Variants in LDLRAD3 observed in about 807,000 individuals in gnomAD.
The protein encoded by LDLRAD3 is low-density lipoprotein receptor class A domain-containing protein 3.
A neutral mutation model predicts 29.4 loss-of-function variants in LDLRAD3; 20 were observed. The observed-to-expected ratio is 0.68, with a 90% confidence interval of 0.48 to 0.99. The LOEUF is 0.99. LDLRAD3 is among the 50% of genes least tolerant of loss of function. The pLI, the probability that LDLRAD3 is intolerant of heterozygous loss-of-function variation, is 0.00. For missense variants in LDLRAD3, 420 were observed against 454.3 expected (o/e 0.92, Z 0.69); for synonymous variants, 157 against 192.7 (o/e 0.81, Z 1.53).
chr11:36,128,283 G>A (rs1265304536), intron 4 of LDLRAD3, among the ~76,000 whole-genome samples: 1 of 151,966 alleles, frequency 6.6e-6, no homozygotes, highest in Non-Finnish European at 1.5e-5. Flanking sequence ...CCAGGGACAG[G>A]GAGCTCCTCT....
intron 1 of LDLRAD3, among the ~76,000 whole-genome samples, chr11:35,969,000 G>A (rs1009023854): frequency 1.8e-4 from 27 of 152,140 alleles, no homozygotes; most frequent in Admixed American, 1.1e-3. Flanking sequence ...TATGGTGTGC[G>A]TACCAAGTCC....
intron 4 of LDLRAD3, among the ~76,000 whole-genome samples, chr11:36,098,855 A>C (rs902240272): frequency 2.6e-5 from 4 of 151,864 alleles, no homozygotes; most frequent in African/African-American, 9.7e-5. Context: ...ATGTCTGCAC[A>C]GGTGTCTGTT....
chr11:36,041,381 C>G (rs1852379539), intron 2 of LDLRAD3, among the ~76,000 whole-genome samples: 1 of 152,218 alleles, frequency 6.6e-6, no homozygotes, highest in African/African-American at 2.4e-5. Flanking sequence ...TCTCCATAAC[C>G]TTCCTCCATC....
chr11:36,155,612 A>T (rs753387717), intron 4 of LDLRAD3, among the ~76,000 whole-genome samples: 4 of 152,204 alleles, frequency 2.6e-5, no homozygotes, highest in Admixed American at 6.5e-5. Context: ...AATAAGGATA[A>T]TAATACGTAC....
chr11:36,010,817 T>C (rs147112172), intron 1 of LDLRAD3, among the ~76,000 whole-genome samples: 89 of 152,310 alleles, frequency 5.8e-4, no homozygotes, highest in Middle Eastern at 3.4e-3. Context: ...AAATTCTTTT[T>C]TTTTTGAAAT....
chr11:35,984,398 A>G (rs1300228257), intron 1 of LDLRAD3, among the ~76,000 whole-genome samples: 1 of 152,326 alleles, frequency 6.6e-6, no homozygotes, highest in East Asian at 1.9e-4. Flanking sequence ...TGATTTGTCC[A>G]AGGACAGACA....
At chr11:35,960,433 GTAGA>G (rs1205124662) in intron 1 of LDLRAD3, among the ~76,000 whole-genome samples, 1 of 152,208 alleles carries the variant, frequency 6.6e-6, no homozygotes, top group Non-Finnish European at 1.5e-5. Flanking sequence ...TTCAACCTGA[GTAGA>G]TATTGCCAAC....
At chr11:36,096,990 A>G (rs1029060786) in intron 3 of LDLRAD3, among the ~76,000 whole-genome samples, 1 of 152,226 alleles carries the variant, frequency 6.6e-6, no homozygotes, top group South Asian at 2.1e-4. Flanking sequence ...TTTGAATCAC[A>G]CTGCAGGTAA....
intron 1 of LDLRAD3, among the ~76,000 whole-genome samples, chr11:35,997,031 A>G (rs912499668): frequency 6.6e-6 from 1 of 152,166 alleles, no homozygotes; most frequent in Non-Finnish European, 1.5e-5. Flanking sequence ...TCCTTGCCTC[A>G]TGGAATGATG....
At chr11:36,180,897 C>T (rs947189562) in intron 4 of LDLRAD3, among the ~76,000 whole-genome samples, 8 of 152,050 alleles carry the variant, frequency 5.3e-5, no homozygotes, top group African/African-American at 1.9e-4. Flanking sequence ...GAGAGAATCG[C>T]TAAGGATGGC....
intron 4 of LDLRAD3, among the ~76,000 whole-genome samples, chr11:36,170,158 T>G (rs2133346924): frequency 1.3e-5 from 2 of 152,076 alleles, no homozygotes; most frequent in South Asian, 4.2e-4. Context: ...CTTAAAATAA[T>G]GGTATTGAAC....
rs1361199077 is a variant in LDLRAD3 at position 35,944,308 on chromosome 11, G to C, written c.46+164G>C. On this transcript the variant is annotated intron_variant, in intron 1 of 5. Coordinates refer to ENST00000315571, the MANE Select transcript of LDLRAD3 (RefSeq NM_174902.4). The surrounding 1 kb of genome is among the most constrained non-coding windows in gnomAD (Gnocchi z 4.9). ...GCGCCGGGCTGGCCCGGACCCTGCC[G>C]AGGGGCCGCCGCGGGGTGCGAGCCG... is the stretch of plus-strand genomic sequence containing the variant. 6.6e-6 allele frequency among the ~76,000 whole-genome samples: 1 copy of C among 151,456 alleles called. No individual in the cohort carries two copies. The highest frequency in any genetic ancestry group is 6.6e-5 in the Admixed American group (1 of 15,234).
intron 1 of LDLRAD3, among the ~76,000 whole-genome samples, chr11:36,003,421 C>G (rs1345997944): frequency 6.6e-6 from 1 of 152,170 alleles, no homozygotes; most frequent in Non-Finnish European, 1.5e-5. Context: ...GTCAGGAGGC[C>G]TGTGAGCTTC....
chr11:36,033,132 C>T (rs1852257204), intron 1 of LDLRAD3, among the ~76,000 whole-genome samples: 1 of 152,190 alleles, frequency 6.6e-6, no homozygotes, highest in Non-Finnish European at 1.5e-5. Context: ...CTCGGCCTCC[C>T]AAAGTGCTGT....
chr11:36,170,295 C>T (rs1429409036), intron 4 of LDLRAD3, among the ~76,000 whole-genome samples: 6 of 100,188 alleles, frequency 6.0e-5, no homozygotes, highest in South Asian at 3.7e-4. Context: ...TATATACACA[C>T]ATATATATAC....
At chr11:36,142,482 T>G (rs1004300426) in intron 4 of LDLRAD3, among the ~76,000 whole-genome samples, 2 of 152,174 alleles carry the variant, frequency 1.3e-5, no homozygotes, top group Admixed American at 6.5e-5. Context: ...CCTCATGAAG[T>G]CTGGATGTCC....
chr11:35,967,691 G>A (rs971952500), intron 1 of LDLRAD3: 6 of 473,070 alleles, frequency 1.3e-5, no homozygotes, highest in African/African-American at 6.0e-5. Context: ...TTTCATGTCC[G>A]GGTGCACCAT....
chr11:36,047,958 C>T (rs1203548253), intron 2 of LDLRAD3, among the ~76,000 whole-genome samples: 5 of 152,168 alleles, frequency 3.3e-5, no homozygotes, highest in Non-Finnish European at 7.3e-5. Context: ...GAAATGGGAG[C>T]AGATGTGAAA....
At chr11:36,097,002 T>C (rs945983428) in intron 3 of LDLRAD3, among the ~76,000 whole-genome samples, 1 of 152,222 alleles carries the variant, frequency 6.6e-6, no homozygotes, top group African/African-American at 2.4e-5. Flanking sequence ...TGCAGGTAAA[T>C]TGTACTGTAG....
Sources: allele counts gnomAD v4.1 joint callset (sites outside exome capture counted in the v4.1 genomes callset), GRCh38; gene constraint gnomAD v4.1.1; non-coding constraint Gnocchi (gnomAD v3.1); transcripts MANE v1.5; gene names NCBI Gene and HGNC (gene_info 2026-07-23, HGNC 2026-07-21).